NTN1: variants seen among roughly 807,000 people sequenced by gnomAD.
NTN1 encodes netrin-1.
In NTN1, 11 loss-of-function variants were observed where a neutral mutation model predicts 54.2. That is an observed-to-expected ratio of 0.20 (90% CI 0.13 to 0.34). The LOEUF is 0.34. Ranked by LOEUF, NTN1 falls within the 10% of genes least tolerant of loss-of-function variation. NTN1 has a pLI of 1.00. For synonymous variants in NTN1, 371 were observed against 382.0 expected (o/e 0.97, Z 0.33); for missense variants, 740 against 893.1 (o/e 0.83, Z 2.18).
intron 6 of NTN1, among the ~76,000 whole-genome samples, chr17:9,222,899 T>C (rs1351331782): frequency 2.6e-5 from 4 of 152,310 alleles, no homozygotes; most frequent in African/African-American, 7.2e-5. Flanking sequence ...TGTGTGTGTA[T>C]GTGAGAGAGT....
chr17:9,186,705 G>A (rs1156971354), intron 5 of NTN1, among the ~76,000 whole-genome samples: 1 of 152,218 alleles, frequency 6.6e-6, no homozygotes, highest in African/African-American at 2.4e-5. Context: ...TACCAGGCCT[G>A]TGTGGTGGGG....
In NTN1 at chr17:9,165,352, G is replaced by T. The variant is rs150380391; in HGVS notation, c.1207+2351G>T. 2.3e-4 allele frequency among the ~76,000 whole-genome samples: 35 copies of T among 152,316 alleles called. No homozygotes were observed. In the East Asian group the frequency reaches 5.6e-3, roughly 24 times the overall value. The stretch of plus-strand genomic sequence containing the variant: ...GGAAGCCACAGGGTCCCGGGAACCC[G>T]CAGGCCATTCTCCAGGGGTCTGCCA... On this transcript the variant is annotated intron_variant, in intron 3 of 6. Coordinates refer to ENST00000173229, the MANE Select transcript of NTN1 (RefSeq NM_004822.3). This position sits in a 1 kb window ranked among gnomAD's most constrained non-coding sequence, Gnocchi z 4.5.
intron 5 of NTN1, among the ~76,000 whole-genome samples, chr17:9,207,030 G>C (rs372224248): frequency 2.0e-5 from 3 of 152,158 alleles, no homozygotes; most frequent in Admixed American, 6.5e-5. Flanking sequence ...GGAATTGCTC[G>C]GCTGAGGGTC....
Position 9,141,319 on chromosome 17 carries a change from A to G in NTN1, c.1019-21494A>G, listed in dbSNP as rs372779098. 1.0e-3 allele frequency among the ~76,000 whole-genome samples: 154 copies of G among 152,124 alleles called. 1 individual carries two copies. Among genetic ancestry groups the G allele is most frequent in the African/African-American group, 3.6e-3 (150 of 41,506 alleles). On this transcript the variant is annotated intron_variant, in intron 2 of 6. Transcript: ENST00000173229. ...AGGGGGGGGAGAAGGGCAAGCATGA[A>G]AGGGAGGCAGCCCTGGAGGAGGAAA... is the stretch of plus-strand genomic sequence containing the variant.
At chr17:9,154,669 G>T (rs1182320015) in intron 2 of NTN1, among the ~76,000 whole-genome samples, 1 of 152,146 alleles carries the variant, frequency 6.6e-6, no homozygotes, top group Non-Finnish European at 1.5e-5. Context: ...ACTGGAGGCG[G>T]AATACCTAAA....
At chr17:9,146,424 C>A (rs116104473) in intron 2 of NTN1, among the ~76,000 whole-genome samples, 2,659 of 152,308 alleles carry the variant, frequency 0.017, 77 homozygotes, top group African/African-American at 0.061. Context: ...CCCAGAGGCC[C>A]CTCACTCCTT....
chr17:9,047,613 T>C (rs568033052), intron 2 of NTN1, among the ~76,000 whole-genome samples: 6 of 152,240 alleles, frequency 3.9e-5, no homozygotes, highest in Non-Finnish European at 7.3e-5. Context: ...TTGAACTCCT[T>C]AATGTTATTT....
chr17:9,026,177 A>T (rs2091869954), intron 2 of NTN1, among the ~76,000 whole-genome samples: 1 of 152,128 alleles, frequency 6.6e-6, no homozygotes, highest in South Asian at 2.1e-4. Flanking sequence ...AAACCCCCTA[A>T]AATTTACCAA....
chr17:9,058,781 T>C (rs2091987373), intron 2 of NTN1, among the ~76,000 whole-genome samples: 1 of 152,130 alleles, frequency 6.6e-6, no homozygotes, highest in South Asian at 2.1e-4. Context: ...TTTATATTTT[T>C]TGAGCCCCAG....
chr17:9,157,355 T>C (rs1472152503), intron 2 of NTN1, among the ~76,000 whole-genome samples: 4 of 152,234 alleles, frequency 2.6e-5, no homozygotes, highest in African/African-American at 7.2e-5. Flanking sequence ...ACTGTGAGTA[T>C]GCACTGAACT....
intron 3 of NTN1, chr17:9,171,225 G>C (rs1260212575): frequency 6.6e-6 from 1 of 152,242 alleles, no homozygotes; most frequent in Non-Finnish European, 1.5e-5. Flanking sequence ...TGTTAACACA[G>C]AGAATGTAAG....
chr17:9,163,609 CA>C (rs1025296479), intron 3 of NTN1, among the ~76,000 whole-genome samples: 253 of 141,180 alleles, frequency 1.8e-3, no homozygotes, highest in African/African-American at 5.8e-3. Context: ...CTTCTCAGGA[CA>C]AAAAAAAAAA....
chr17:9,101,035 T>C (rs75138835), intron 2 of NTN1, among the ~76,000 whole-genome samples: 2,520 of 152,342 alleles, frequency 0.017, 69 homozygotes, highest in African/African-American at 0.058. Flanking sequence ...GCCTTGATTC[T>C]GTATCACCCG....
At chr17:9,085,183 T>C (rs912389532) in intron 2 of NTN1, among the ~76,000 whole-genome samples, 11 of 152,112 alleles carry the variant, frequency 7.2e-5, no homozygotes, top group Non-Finnish European at 1.5e-4. Context: ...GTGGTGGGGA[T>C]GCGTGGGGTA....
intron 6 of NTN1, among the ~76,000 whole-genome samples, chr17:9,230,013 CTT>C (rs1307861569): frequency 3.3e-5 from 5 of 152,042 alleles, no homozygotes; most frequent in African/African-American, 1.2e-4. Context: ...ACTCCCGCCT[CTT>C]GTCTCCAGCT....
chr17:9,190,402 A>G (rs1187089045), intron 5 of NTN1, among the ~76,000 whole-genome samples: 1 of 152,260 alleles, frequency 6.6e-6, no homozygotes, highest in African/African-American at 2.4e-5. Context: ...ATTCAGCCAG[A>G]AAAATAAATG....
chr17:9,116,460 G>A (rs916809233), intron 2 of NTN1, among the ~76,000 whole-genome samples: 6 of 152,196 alleles, frequency 3.9e-5, no homozygotes, highest in Admixed American at 1.3e-4. Flanking sequence ...GGGCAGCTGC[G>A]ATGGTGGAGG....
rs2091860041 is a variant in NTN1 at position 9,023,407 on chromosome 17, C to T, written c.1018+16C>T. The T allele has an allele frequency of 1.3e-5, 18 of 1,349,330 alleles. No individual in the cohort carries two copies. Among genetic ancestry groups the T allele is most frequent in the Non-Finnish European group, 1.7e-5 (18 of 1,056,634 alleles). 83.6% of individuals were successfully genotyped at this position (1,349,330 alleles called of 1,614,324 possible). A position where few individuals can be genotyped will look rare whatever the true frequency, so the allele number is the denominator to read the frequency against. On this transcript the variant is annotated intron_variant, in intron 2 of 6. Transcript: ENST00000173229. ...GAGTGCGTGGGTGAGTGGGGTGCGG[C>T]GGCGGAGCCGGCGGCGGGTGGGGCC...
At chr17:9,066,098 G>T (rs1347566725) in intron 2 of NTN1, among the ~76,000 whole-genome samples, 1 of 152,092 alleles carries the variant, frequency 6.6e-6, no homozygotes, top group Non-Finnish European at 1.5e-5. Context: ...GTATATTATT[G>T]TCCGGTCAAG....
Sources: allele counts gnomAD v4.1 joint callset (sites outside exome capture counted in the v4.1 genomes callset), GRCh38; gene constraint gnomAD v4.1.1; non-coding constraint Gnocchi (gnomAD v3.1); transcripts MANE v1.5; gene names NCBI Gene and HGNC (gene_info 2026-07-23, HGNC 2026-07-21).